The following PPP2R3A variants were observed in gnomAD, a reference collection of about 807,000 sequenced individuals.
PPP2R3A encodes protein phosphatase 2 regulatory subunit B''alpha, also known as serine/threonine-protein phosphatase 2A regulatory subunit B'' subunit alpha.
In PPP2R3A, 80 loss-of-function variants were observed where a neutral mutation model predicts 106.9. That is an observed-to-expected ratio of 0.75 (90% CI 0.62 to 0.90). The LOEUF (loss-of-function observed/expected upper bound fraction) is 0.90, where lower values mean the gene tolerates loss of function less well. PPP2R3A is among the 40% of genes least tolerant of loss of function. The probability of loss-of-function intolerance (pLI) is 0.00; values close to 1 mark genes in which losing one functional copy is unlikely to be tolerated. For missense variants in PPP2R3A, 1,386 were observed against 1,350.4 expected (o/e 1.03, Z -0.41); for synonymous variants, 483 against 468.3 (o/e 1.03, Z -0.41).
At chr3:136,005,120 G>C (rs1933795824) in intron 2 of PPP2R3A, among the ~76,000 whole-genome samples, 1 of 152,098 alleles carries the variant, frequency 6.6e-6, no homozygotes, top group South Asian at 2.1e-4. Flanking sequence ...TTCTGCACCT[G>C]ACCTTGTGAC....
chr3:136,013,593 G>C (rs1388613360), intron 2 of PPP2R3A, among the ~76,000 whole-genome samples: 18 of 152,048 alleles, frequency 1.2e-4, no homozygotes, highest in Admixed American at 1.2e-3. Context: ...TTTGCATTTT[G>C]CTGATCGTTA....
intron 12 of PPP2R3A, among the ~76,000 whole-genome samples, chr3:136,105,962 AAAG>A (rs1016316907): frequency 1.3e-5 from 2 of 152,134 alleles, no homozygotes; most frequent in African/African-American, 2.4e-5. Context: ...TCTATCTCAA[AAAG>A]AAAAAAAAAG....
chr3:136,084,812 T>C (rs1294374078), intron 8 of PPP2R3A, among the ~76,000 whole-genome samples: 1 of 152,234 alleles, frequency 6.6e-6, no homozygotes, highest in Non-Finnish European at 1.5e-5. Flanking sequence ...GACTGCAGTA[T>C]TGGATTTCAG....
intron 1 of PPP2R3A, among the ~76,000 whole-genome samples, chr3:135,973,520 G>T (rs1448449544): frequency 6.6e-6 from 1 of 152,184 alleles, no homozygotes; most frequent in African/African-American, 2.4e-5. Context: ...GGTAGTTGGA[G>T]AGATTGCAGC....
intron 1 of PPP2R3A, among the ~76,000 whole-genome samples, chr3:135,975,334 CA>C (rs749333768): frequency 6.6e-6 from 1 of 152,180 alleles, no homozygotes; most frequent in Non-Finnish European, 1.5e-5. Context: ...GACACTTCAT[CA>C]GGGGCAGTGT....
At position 135,991,656 on chromosome 3, in the gene PPP2R3A, T is replaced by C. The variant is rs77964675; in HGVS notation, c.-440-9403T>C. ...ATTCAAACCAAGAAAAAACAAATTT[T>C]GCTTTTCTCATGTTCCCTAGACCCC... On this transcript the variant is annotated intron_variant, in intron 1 of 13. Coordinates refer to ENST00000264977, the MANE Select transcript of PPP2R3A (RefSeq NM_002718.5). 8.5e-3 allele frequency among the ~76,000 whole-genome samples: 1,302 copies of C among 152,302 alleles called. 13 individuals are homozygous for C. Among genetic ancestry groups the C allele is most frequent in the Non-Finnish European group, 0.014 (948 of 68,020 alleles).
At chr3:136,092,778 A>G (rs1022900608) in intron 10 of PPP2R3A, among the ~76,000 whole-genome samples, 28 of 152,182 alleles carry the variant, frequency 1.8e-4, no homozygotes, top group Non-Finnish European at 3.8e-4. Flanking sequence ...CCAATGGGGA[A>G]AAAAAACAGT....
chr3:136,017,383 CT>C (rs1934315078), intron 2 of PPP2R3A, among the ~76,000 whole-genome samples: 1 of 152,212 alleles, frequency 6.6e-6, no homozygotes, highest in African/African-American at 2.4e-5. Flanking sequence ...ATTATTCACT[CT>C]GTTATTACCT....
intron 13 of PPP2R3A, among the ~76,000 whole-genome samples, chr3:136,137,432 CTAT>C (rs1454286581): frequency 1.3e-5 from 2 of 151,228 alleles, no homozygotes; most frequent in Admixed American, 6.6e-5. Context: ...ATCCATTTCC[CTAT>C]TATTGGACAT....
chr3:135,994,762 A>G (rs1241854713), intron 1 of PPP2R3A, among the ~76,000 whole-genome samples: 1 of 152,178 alleles, frequency 6.6e-6, no homozygotes, highest in East Asian at 1.9e-4. Context: ...CAGACTCCTT[A>G]TACCTCTCTA....
intron 1 of PPP2R3A, among the ~76,000 whole-genome samples, chr3:135,993,608 C>T (rs1313969904): frequency 6.6e-6 from 1 of 152,174 alleles, no homozygotes; most frequent in African/African-American, 2.4e-5. Flanking sequence ...AGCTTTAAAT[C>T]ATAATAGCAC....
intron 3 of PPP2R3A, among the ~76,000 whole-genome samples, chr3:136,034,969 T>G (rs910077137): frequency 3.3e-5 from 5 of 152,228 alleles, no homozygotes; most frequent in African/African-American, 1.2e-4. Flanking sequence ...TTTATCATTA[T>G]GTAATGTCCC....
At chr3:135,995,109 A>T (rs1301460096) in intron 1 of PPP2R3A, among the ~76,000 whole-genome samples, 1 of 152,230 alleles carries the variant, frequency 6.6e-6, no homozygotes, top group Non-Finnish European at 1.5e-5. Flanking sequence ...CCCAGAAATT[A>T]GGAAAACAGA....
At chr3:136,142,055 C>G (rs1038308564) in intron 13 of PPP2R3A, among the ~76,000 whole-genome samples, 11 of 152,138 alleles carry the variant, frequency 7.2e-5, no homozygotes, top group African/African-American at 2.4e-4. Context: ...ATGGAGTTCT[C>G]CAGCTTAGAA....
chr3:136,011,974 TACACACAC>T (rs961223158), intron 2 of PPP2R3A, among the ~76,000 whole-genome samples: 27 of 136,522 alleles, frequency 2.0e-4, no homozygotes, highest in Non-Finnish European at 6.1e-5. Flanking sequence ...TGAGAAATCA[TACACACAC>T]ACACACACAC....
At chr3:136,114,081 G>A (rs762787498) in intron 13 of PPP2R3A, among the ~76,000 whole-genome samples, 23 of 152,120 alleles carry the variant, frequency 1.5e-4, no homozygotes, top group Non-Finnish European at 3.1e-4. Context: ...CATCTCATTG[G>A]GACTGGTTGG....
At chr3:135,998,503 A>G (rs1933493444) in intron 1 of PPP2R3A, among the ~76,000 whole-genome samples, 2 of 152,224 alleles carry the variant, frequency 1.3e-5, no homozygotes, top group African/African-American at 4.8e-5. Flanking sequence ...TAAAGAGAGG[A>G]ATCAGTCCAA....
At chr3:136,104,675 A>C (rs1937470815) in intron 12 of PPP2R3A, among the ~76,000 whole-genome samples, 3 of 152,186 alleles carry the variant, frequency 2.0e-5, no homozygotes, top group African/African-American at 7.2e-5. Context: ...AATGCATTGC[A>C]ATTTTATAAA....
intron 7 of PPP2R3A, among the ~76,000 whole-genome samples, chr3:136,081,486 G>A (rs1389771149): frequency 6.6e-6 from 1 of 151,896 alleles, no homozygotes; most frequent in Admixed American, 6.6e-5. Flanking sequence ...ATTTTAATAG[G>A]GAGATGTATC....
Sources: allele counts gnomAD v4.1 joint callset (sites outside exome capture counted in the v4.1 genomes callset), GRCh38; gene constraint gnomAD v4.1.1; transcripts MANE v1.5; gene names NCBI Gene and HGNC (gene_info 2026-07-23, HGNC 2026-07-21).